The following NCKAP5 variants were observed in gnomAD, a reference collection of about 807,000 sequenced individuals.
NCKAP5 encodes nck-associated protein 5.
A neutral mutation model predicts 167.0 loss-of-function variants in NCKAP5; 92 were observed. That is an observed-to-expected ratio of 0.55 (90% CI 0.47 to 0.66). NCKAP5 has a LOEUF of 0.66. Among genes scored for constraint, NCKAP5 ranks in the 30% least tolerant of loss-of-function variants. The probability of loss-of-function intolerance (pLI) is 0.00; values close to 1 mark genes in which losing one functional copy is unlikely to be tolerated. For synonymous variants in NCKAP5, 891 were observed against 877.4 expected, an observed-to-expected ratio of 1.02 and a Z score of -0.27; for missense variants, 2,378 against 2,315.0, an observed-to-expected ratio of 1.03 and a Z score of -0.56.
At chr2:133,087,187 G>A (rs551924027) in intron 6 of NCKAP5, among the ~76,000 whole-genome samples, 18 of 152,322 alleles carry the variant, frequency 1.2e-4, no homozygotes, top group Middle Eastern at 3.4e-3. Flanking sequence ...AGAGGTTGCT[G>A]AAACTTTCTC....
chr2:132,807,441 T>A (rs185753547), intron 11 of NCKAP5, among the ~76,000 whole-genome samples: 1 of 152,252 alleles, frequency 6.6e-6, no homozygotes, highest in African/African-American at 2.4e-5. Flanking sequence ...CTTTCAACAG[T>A]GTTTTGTAGT....
the NCKAP5 span, among the ~76,000 whole-genome samples, chr2:133,619,585 G>A: frequency 1.3e-5 from 2 of 151,954 alleles, no homozygotes; most frequent in East Asian, 3.9e-4. Flanking sequence ...CAAGAAGCTT[G>A]GGACTTTGTC....
intron 8 of NCKAP5, among the ~76,000 whole-genome samples, chr2:132,910,087 CCATAATATTTTAAATTTTTTTT>C (rs1694326338): frequency 6.6e-6 from 1 of 151,898 alleles, no homozygotes; most frequent in Admixed American, 6.6e-5. Context: ...ATACCAGCAA[CCATAATATTTTAAATTTTTTTT>C]CATTTCTAAT....
intron 3 of NCKAP5, among the ~76,000 whole-genome samples, chr2:133,404,010 C>T (rs1303500676): frequency 1.3e-5 from 2 of 152,272 alleles, no homozygotes; most frequent in East Asian, 1.9e-4. Context: ...GGCTCTGTGG[C>T]TCCTGGTCTT....
At chr2:133,634,765 G>A in the NCKAP5 span, among the ~76,000 whole-genome samples, 1 of 152,066 alleles carries the variant, frequency 6.6e-6, no homozygotes, top group Non-Finnish European at 1.5e-5. Context: ...GATTTATTCT[G>A]CGTGTATGTC....
intron 3 of NCKAP5, among the ~76,000 whole-genome samples, chr2:133,458,286 A>G (rs1243845951): frequency 2.0e-5 from 3 of 152,162 alleles, no homozygotes; most frequent in South Asian, 2.1e-4. Context: ...GCATGGGAAA[A>G]TGAAACTCTT....
chr2:133,663,074 G>A, the NCKAP5 span, among the ~76,000 whole-genome samples: 1 of 152,120 alleles, frequency 6.6e-6, no homozygotes, highest in African/African-American at 2.4e-5. Context: ...AGACCATCCT[G>A]GCTAACAAGG....
chr2:133,604,294 C>T, the NCKAP5 span, among the ~76,000 whole-genome samples: 1 of 152,160 alleles, frequency 6.6e-6, no homozygotes, highest in Admixed American at 6.5e-5. Context: ...CAACCTCCGC[C>T]TCCTGGTTTC....
chr2:133,430,059 T>C (rs777396898), intron 3 of NCKAP5, among the ~76,000 whole-genome samples: 23 of 152,168 alleles, frequency 1.5e-4, no homozygotes, highest in African/African-American at 5.5e-4. Flanking sequence ...TTGATTTCCA[T>C]CTCTCTGACT....
At chr2:132,897,433 G>C (rs1316324638) in intron 8 of NCKAP5, among the ~76,000 whole-genome samples, 1 of 152,248 alleles carries the variant, frequency 6.6e-6, no homozygotes, top group Non-Finnish European at 1.5e-5. Flanking sequence ...TATAATGCTA[G>C]AGTGTGTATG....
rs372592325 is a variant in NCKAP5, at chr2:133,028,177, T to C, written c.342-33938A>G. Among the ~76,000 whole-genome samples, 36 of 152,320 alleles carry C rather than the reference T, an allele frequency of 2.4e-4. 1 individual carries two copies. In the South Asian group the frequency reaches 4.6e-3, roughly 19 times the overall value. On this transcript the variant is annotated intron_variant, in intron 6 of 19. Transcript: ENST00000409261. ...ATAAGGGATACTTATCTTGTATTAC[T>C]GTCCTTAACATTTTTTTATTCTTAG...
At chr2:132,809,501 C>T (rs1685691890) in intron 11 of NCKAP5, among the ~76,000 whole-genome samples, 1 of 139,096 alleles carries the variant, frequency 7.2e-6, no homozygotes, top group African/African-American at 3.0e-5. Flanking sequence ...TCGGACAAGG[C>T]CTTTACCATT....
intron 6 of NCKAP5, among the ~76,000 whole-genome samples, chr2:133,126,996 T>C (rs908835060): frequency 6.6e-6 from 1 of 152,128 alleles, no homozygotes; most frequent in African/African-American, 2.4e-5. Context: ...ATGAACAATG[T>C]TCAAAAGTAA....
chr2:132,966,050 C>T (rs972628643), intron 7 of NCKAP5, among the ~76,000 whole-genome samples: 1 of 152,022 alleles, frequency 6.6e-6, no homozygotes, highest in Non-Finnish European at 1.5e-5. Context: ...ATGTGACAGC[C>T]AGATTTCAGG....
At chr2:133,019,987 G>A (rs2078470182) in intron 6 of NCKAP5, among the ~76,000 whole-genome samples, 1 of 152,206 alleles carries the variant, frequency 6.6e-6, no homozygotes. Flanking sequence ...ATGTGGCACT[G>A]GCCAGTTGTT....
chr2:133,466,956 C>T (rs1033584320), intron 3 of NCKAP5, among the ~76,000 whole-genome samples: 3 of 152,138 alleles, frequency 2.0e-5, no homozygotes, highest in African/African-American at 4.8e-5. Context: ...CATCTGCAAA[C>T]AGGGACAATT....
At chr2:132,868,435 A>G (rs1456616437) in intron 10 of NCKAP5, among the ~76,000 whole-genome samples, 2 of 152,138 alleles carry the variant, frequency 1.3e-5, no homozygotes. Flanking sequence ...ACCACAAACT[A>G]TTGCAGTAAC....
chr2:133,620,592 C>T, the NCKAP5 span, among the ~76,000 whole-genome samples: 1 of 151,982 alleles, frequency 6.6e-6, no homozygotes, highest in Non-Finnish European at 1.5e-5. Context: ...TATATATGCA[C>T]CTAACACTGG....
At chr2:133,096,200 T>C (rs183202085) in intron 6 of NCKAP5, among the ~76,000 whole-genome samples, 1 of 152,246 alleles carries the variant, frequency 6.6e-6, no homozygotes, top group African/African-American at 2.4e-5. Flanking sequence ...ATAAAATTTC[T>C]GATAATTAGG....
Sources: gnomAD v4.1 joint callset for allele counts (sites outside exome capture counted in the v4.1 genomes callset) on GRCh38, gnomAD v4.1.1 for gene constraint, MANE v1.5 for transcripts, NCBI Gene and HGNC (gene_info 2026-07-23, HGNC 2026-07-21) for gene names.